ADGRL3: variants seen among roughly 807,000 people sequenced by gnomAD.
ADGRL3 encodes the protein calcium-independent alpha-latrotoxin receptor 3.
ADGRL3 carries 62 observed loss-of-function variants against 153.5 expected under a neutral mutation model. The ratio of observed to expected loss-of-function variants is 0.40; its 90% CI spans 0.33 to 0.50. ADGRL3 has a LOEUF of 0.50. Among genes scored for constraint, ADGRL3 ranks in the 20% least tolerant of loss-of-function variants. The pLI is 0.47. For synonymous variants in ADGRL3, 710 were observed against 672.5 expected (o/e 1.06, Z -0.86); for missense variants, 1,641 against 1,859.4 (o/e 0.88, Z 2.16).
chr4:61,749,888 TAAAG>T (rs139915401), intron 8 of ADGRL3, among the ~76,000 whole-genome samples: 13,175 of 151,112 alleles, frequency 0.087, 1,197 homozygotes, highest in African/African-American at 0.23. Context: ...AGAATAAAAA[TAAAG>T]AAAAAGACAA....
At chr4:62,064,889 T>G (rs2216193) in intron 25 of ADGRL3, among the ~76,000 whole-genome samples, 147,569 of 152,124 alleles carry the variant, frequency 0.97, 71,727 homozygotes, top group East Asian at 1. Flanking sequence ...AGTGACTACA[T>G]GAATATAGGC....
chr4:61,488,825 C>T (rs1358816184), intron 2 of ADGRL3, among the ~76,000 whole-genome samples: 2 of 151,986 alleles, frequency 1.3e-5, no homozygotes, highest in Admixed American at 1.3e-4. Flanking sequence ...GTTACTGACA[C>T]AGATTGCTTA....
In ADGRL3 at chr4:61,330,457, G is replaced by T. The variant is rs2095549454; in HGVS notation, c.-239-52667G>T. 1.3e-5 allele frequency among the ~76,000 whole-genome samples: 2 copies of T among 152,074 alleles called. 1 individual carries two copies. Among genetic ancestry groups the T allele is most frequent in the South Asian group, 4.1e-4 (2 of 4,830 alleles). The stretch of plus-strand genomic sequence containing the variant: ...AGACACTGGATCTCCTGGTTCTTAG[G>T]CCTTTGGGTTTAGACTGAAACTATG... On this transcript the variant is annotated intron_variant, in intron 1 of 26. Transcript: ENST00000683033.
chr4:61,799,313 A>T (rs2097459289), intron 8 of ADGRL3, among the ~76,000 whole-genome samples: 1 of 152,006 alleles, frequency 6.6e-6, no homozygotes, highest in Non-Finnish European at 1.5e-5. Context: ...CTTCTTCTGT[A>T]AAAGACCAGA....
At chr4:61,522,879 T>A (rs996959377) in intron 4 of ADGRL3, among the ~76,000 whole-genome samples, 1 of 152,084 alleles carries the variant, frequency 6.6e-6, no homozygotes, top group Non-Finnish European at 1.5e-5. Flanking sequence ...TTGGCAAATA[T>A]TATCTTTGCT....
chr4:61,606,262 T>TATTACA (rs2099031994), intron 5 of ADGRL3, among the ~76,000 whole-genome samples: 2 of 152,204 alleles, frequency 1.3e-5, no homozygotes, highest in African/African-American at 4.8e-5. Flanking sequence ...ATCAGAGAGC[T>TATTACA]GTAATGATGA....
At chr4:61,494,270 T>A (rs2152797430) in intron 2 of ADGRL3, among the ~76,000 whole-genome samples, 1 of 152,330 alleles carries the variant, frequency 6.6e-6, no homozygotes, top group African/African-American at 2.4e-5. Flanking sequence ...TACTTTCTAT[T>A]TTTGTGTATG....
In ADGRL3 at chr4:61,979,477, T is replaced by C. The variant is rs2099059880; in HGVS notation, c.2806-86T>C. On this transcript the variant is annotated intron_variant, in intron 17 of 26. Transcript: ENST00000683033. ...GAGGGTATTTTGTGCATTATTACTATCATGCTTTGTGCATCCAGGCCCTTA... is the reference window on the plus strand; with the variant it reads ...GAGGGTATTTTGTGCATTATTACTACCATGCTTTGTGCATCCAGGCCCTTA... 3 of 1,052,968 alleles carry C rather than the reference T, an allele frequency of 2.8e-6. No homozygotes were observed. The Admixed American group carries it at 5.1e-5, about 18-fold the overall frequency. 65.2% of individuals were successfully genotyped at this position (1,052,968 alleles called of 1,614,324 possible). A position where few individuals can be genotyped will look rare whatever the true frequency, so the allele number is the denominator to read the frequency against.
intron 1 of ADGRL3, among the ~76,000 whole-genome samples, chr4:61,334,117 ATGTTGG>A (rs1342293353): frequency 3.9e-5 from 6 of 151,954 alleles, no homozygotes; most frequent in Middle Eastern, 7.0e-3. Context: ...GGGTTTTGCC[ATGTTGG>A]CCAGGCTGGT....
chr4:61,337,999 A>C (rs1436211942), intron 1 of ADGRL3, among the ~76,000 whole-genome samples: 1 of 152,146 alleles, frequency 6.6e-6, no homozygotes, highest in Non-Finnish European at 1.5e-5. Context: ...ACGGTGGCTC[A>C]CACCTGTAAT....
In ADGRL3 at chr4:61,909,754, C is replaced by G. The variant is rs2098713020; in HGVS notation, c.2073+9C>G. On this transcript the variant is annotated intron_variant, in intron 12 of 26. Transcript: ENST00000683033. ...CCCGGAGTTTGAACAAGGTAAGGAC[C>G]CTAATTATGTGTGTGTGTGTGTGTG... 2 of 1,398,664 alleles carry G rather than the reference C, an allele frequency of 1.4e-6. No individual in the cohort carries two copies. Among genetic ancestry groups the G allele is most frequent in the South Asian group, 2.5e-5 (2 of 80,106 alleles). The allele number at this position is 1,398,664 out of a possible 1,614,324, so 86.6% of individuals were successfully genotyped here.
chr4:61,245,451 T>C (rs1485899363), intron 1 of ADGRL3, among the ~76,000 whole-genome samples: 2 of 152,104 alleles, frequency 1.3e-5, no homozygotes, highest in Non-Finnish European at 2.9e-5. Flanking sequence ...TGCCACTTCC[T>C]CCTGTCCATC....
At chr4:61,472,617 T>C (rs335332) in intron 2 of ADGRL3, among the ~76,000 whole-genome samples, 130,889 of 151,928 alleles carry the variant, frequency 0.86, 58,645 homozygotes, top group Non-Finnish European at 0.97. Flanking sequence ...AATTAGTAAG[T>C]TCTGCTCAGT....
rs114781310 is a variant in ADGRL3 at position 61,474,993 on chromosome 4, C to G, written c.-173-22128C>G. Among the ~76,000 whole-genome samples the G allele has an allele frequency of 2.0e-3, 311 of 152,206 alleles. 1 individual carries two copies. The highest frequency in any genetic ancestry group is 5.7e-3 in the African/African-American group (238 of 41,550). ...TTAATTTAAAATGATTAATCTCTCA[C>G]CAAAGAATGTGTGCATCTCATAACA... On this transcript the variant is annotated intron_variant, in intron 2 of 26. Coordinates refer to ENST00000683033, the MANE Select transcript of ADGRL3 (RefSeq NM_001387552.1).
chr4:61,850,386 C>A (rs1219252204), intron 9 of ADGRL3, among the ~76,000 whole-genome samples: 1 of 152,064 alleles, frequency 6.6e-6, no homozygotes, highest in African/African-American at 2.4e-5. Flanking sequence ...ATTTTAAATG[C>A]TATTATTCAG....
chr4:61,562,954 A>AAC (rs2098801552), intron 4 of ADGRL3, among the ~76,000 whole-genome samples: 1 of 151,906 alleles, frequency 6.6e-6, no homozygotes, highest in African/African-American at 2.4e-5. Flanking sequence ...CAAAAAAAAA[A>AAC]AAAAAAAAAA....
chr4:61,408,441 CT>C (rs1359973483), intron 2 of ADGRL3, among the ~76,000 whole-genome samples: 2 of 151,216 alleles, frequency 1.3e-5, no homozygotes, highest in Non-Finnish European at 2.9e-5. Flanking sequence ...GCTCTGCTCC[CT>C]TTTAAAGACT....
At chr4:61,295,376 T>C (rs1227419272) in intron 1 of ADGRL3, among the ~76,000 whole-genome samples, 2 of 152,140 alleles carry the variant, frequency 1.3e-5, no homozygotes, top group Non-Finnish European at 2.9e-5. Flanking sequence ...CATAGGTATA[T>C]ATGTATAGGA....
chr4:61,458,564 T>C (rs1226911741), intron 2 of ADGRL3, among the ~76,000 whole-genome samples: 1 of 151,438 alleles, frequency 6.6e-6, no homozygotes, highest in African/African-American at 2.4e-5. Context: ...CAGAAAATAA[T>C]AGCAACAGAA....
Sources: allele counts gnomAD v4.1 joint callset (sites outside exome capture counted in the v4.1 genomes callset), GRCh38; gene constraint gnomAD v4.1.1; transcripts MANE v1.5; gene names NCBI Gene and HGNC (gene_info 2026-07-23, HGNC 2026-07-21).